C1orf87: variants seen among roughly 807,000 people sequenced by gnomAD.
C1orf87 encodes uncharacterized protein C1orf87.
In C1orf87, 58 loss-of-function variants were observed where a neutral mutation model predicts 60.5. The observed-to-expected ratio is 0.96, with a 90% CI of 0.78 to 1.19. C1orf87 has a LOEUF of 1.19. C1orf87 is among the 50% of genes most tolerant of loss of function. The probability of loss-of-function intolerance (pLI) is 0.00; values close to 1 mark genes in which losing one functional copy is unlikely to be tolerated. For synonymous variants in C1orf87, 236 were observed against 227.4 expected (o/e 1.04, Z -0.34); for missense variants, 673 against 638.6 (o/e 1.05, Z -0.58).
At chr1:60,004,425 T>C (rs940557236) in intron 9 of C1orf87, among the ~76,000 whole-genome samples, 4 of 152,038 alleles carry the variant, frequency 2.6e-5, no homozygotes, top group Admixed American at 2.0e-4. Context: ...TAACATTAAT[T>C]ATGATGTCCC....
intron 2 of C1orf87, among the ~76,000 whole-genome samples, chr1:60,059,399 A>G (rs1199551572): frequency 6.6e-6 from 1 of 152,230 alleles, no homozygotes; most frequent in Non-Finnish European, 1.5e-5. Context: ...AGTGTCATCC[A>G]GGAATGAGAG....
intron 3 of C1orf87, among the ~76,000 whole-genome samples, chr1:60,054,870 C>G (rs1645441505): frequency 6.6e-6 from 1 of 152,132 alleles, no homozygotes; most frequent in Non-Finnish European, 1.5e-5. Context: ...CAGACAGACT[C>G]TTACCCTCCA....
chr1:60,016,578 G>A (rs1170190841), intron 8 of C1orf87, among the ~76,000 whole-genome samples: 1 of 152,134 alleles, frequency 6.6e-6, no homozygotes, highest in Non-Finnish European at 1.5e-5. Context: ...TTGACAGATG[G>A]GAAAATTAAG....
intron 7 of C1orf87, 68 bp from the exon 8 acceptor site, chr1:60,025,566 C>A (rs1645193451): frequency 3.3e-6 from 4 of 1,202,968 alleles, no homozygotes; most frequent in Admixed American, 2.4e-5. Context: ...CAATAGAATA[C>A]AATTAATATT....
chr1:60,067,374 G>C (rs528335753), intron 2 of C1orf87, among the ~76,000 whole-genome samples: 120 of 151,960 alleles, frequency 7.9e-4, no homozygotes, highest in African/African-American at 2.8e-3. Context: ...GTGTGATATA[G>C]TATCTCATTC....
chr1:60,049,143 T>A (rs1645394587), intron 3 of C1orf87, among the ~76,000 whole-genome samples: 1 of 152,138 alleles, frequency 6.6e-6, no homozygotes, highest in Admixed American at 6.5e-5. Context: ...GATGTAGTTC[T>A]GCTAATTACT....
intron 5 of C1orf87, among the ~76,000 whole-genome samples, chr1:60,039,275 T>C (rs1044587065): frequency 6.6e-6 from 1 of 152,218 alleles, no homozygotes; most frequent in Non-Finnish European, 1.5e-5. Flanking sequence ...CTTATTGCTA[T>C]TATTTCTTCC....
chr1:60,022,351 C>T (rs542640562), intron 8 of C1orf87, among the ~76,000 whole-genome samples: 27 of 151,852 alleles, frequency 1.8e-4, no homozygotes, highest in Non-Finnish European at 3.7e-4. Flanking sequence ...TGACAGGGAA[C>T]CAGATTCTGG....
intron 2 of C1orf87, among the ~76,000 whole-genome samples, chr1:60,065,935 T>C (rs1236020101): frequency 6.6e-6 from 1 of 152,172 alleles, no homozygotes; most frequent in Non-Finnish European, 1.5e-5. Flanking sequence ...TCACATATTT[T>C]TTTTGGTTTC....
Position 60,055,387 on chromosome 1 carries a change from T to G in C1orf87, c.159A>C (p.Pro53=), listed in dbSNP as rs1320989711. ...TCATCTGCCTTGCATTATCAGTCAT[T>G]GGTTTCTGGTGCATTGTTTGGGTTT... ...KTETQTMHQK[P]MTDNARQMSR... Residue 53 remains proline, a synonymous_variant, in exon 3 of 12, where the codon CCA becomes CCC. Coordinates refer to ENST00000371201, the MANE Select transcript of C1orf87 (RefSeq NM_152377.3). 6.2e-7 allele frequency: 1 copy of G among 1,614,160 alleles called. No individual in the cohort carries two copies. Among genetic ancestry groups the G allele is most frequent in the South Asian group, 1.1e-5 (1 of 91,080 alleles).
chr1:60,012,038 T>C (rs1204378145), intron 8 of C1orf87, among the ~76,000 whole-genome samples: 1 of 152,058 alleles, frequency 6.6e-6, no homozygotes, highest in Non-Finnish European at 1.5e-5. Flanking sequence ...TTAATAATTA[T>C]ATAAAGATCT....
intron 9 of C1orf87, among the ~76,000 whole-genome samples, chr1:60,004,189 C>T (rs1273060139): frequency 6.6e-6 from 1 of 152,026 alleles, no homozygotes; most frequent in East Asian, 1.9e-4. Context: ...ACAGACCTAA[C>T]ATCTAACCCT....
intron 10 of C1orf87, among the ~76,000 whole-genome samples, chr1:60,000,309 C>A (rs941255689): frequency 6.6e-6 from 1 of 152,028 alleles, no homozygotes; most frequent in African/African-American, 2.4e-5. Flanking sequence ...AAACAAGAAG[C>A]AAAATAAAAG....
In C1orf87 at chr1:60,055,285, C is replaced by A; in HGVS notation, c.261G>T (p.Lys87Asn). 15 of 1,614,058 alleles carry A rather than the reference C, an allele frequency of 9.3e-6. No individual in the cohort carries two copies. The highest frequency in any genetic ancestry group is 1.2e-5 in the Non-Finnish European group (14 of 1,180,002). The change falls in exon 3 of 12, where the codon AAG (lysine) becomes AAT (asparagine). Residue 87 changes from lysine to asparagine, a missense_variant. Physicochemically the swap from Lys to Asn is moderately conservative, Grantham distance 94 (BLOSUM62 0). Coordinates refer to ENST00000371201, the MANE Select transcript of C1orf87 (RefSeq NM_152377.3). Reference sequence around the variant, plus strand: ...CTGATTTCTGGTTGTTCTCTGGGTGCTTTTTCTCTTTCACATCATCTGGAT... The same window carrying A: ...CTGATTTCTGGTTGTTCTCTGGGTGATTTTTCTCTTTCACATCATCTGGAT... ...TDNPDDVKEK[K>N]HPENNQKSEN... is the part of the protein sequence containing the mutation.
At chr1:60,048,098 A>C (rs965787954) in intron 3 of C1orf87, among the ~76,000 whole-genome samples, 16 of 152,166 alleles carry the variant, frequency 1.1e-4, no homozygotes, top group Admixed American at 9.8e-4. Flanking sequence ...CCAGTGGAAT[A>C]CTGTGGAAGT....
Position 60,033,695 on chromosome 1 carries a change from C to T in C1orf87, c.864-54G>A, listed in dbSNP as rs557694944. On this transcript the variant is annotated intron_variant, in intron 6 of 11. Coordinates refer to ENST00000371201, the MANE Select transcript of C1orf87 (RefSeq NM_152377.3). ...TGAAAAGGTTATCCACCCAAGGCAG[C>T]TGCATGCTTTCCTACTACATTTCTC... 3 of 1,556,654 alleles carry T rather than the reference C, an allele frequency of 1.9e-6. No homozygotes were observed. The East Asian group carries it at 6.8e-5, about 35-fold the overall frequency.
chr1:60,017,452 C>T (rs995276662), intron 8 of C1orf87, among the ~76,000 whole-genome samples: 5 of 152,146 alleles, frequency 3.3e-5, no homozygotes, highest in Non-Finnish European at 7.4e-5. Flanking sequence ...GTGGCTGTGT[C>T]AATTGCTCCC....
intron 6 of C1orf87, among the ~76,000 whole-genome samples, chr1:60,037,696 G>T (rs1645287632): frequency 6.6e-6 from 1 of 152,170 alleles, no homozygotes; most frequent in African/African-American, 2.4e-5. Context: ...CATGAACTTT[G>T]GGAAACACAT....
chr1:60,046,168 GCTTCTTTCCTTCCTTCCTTC>G (rs1263580171), intron 3 of C1orf87, among the ~76,000 whole-genome samples: 1 of 125,772 alleles, frequency 8.0e-6, no homozygotes, highest in Non-Finnish European at 1.6e-5. Context: ...TCCTCTCCTT[GCTTCTTTCCTTCCTTCCTTC>G]CTTCTTTCCT....
Sources: allele counts gnomAD v4.1 joint callset (sites outside exome capture counted in the v4.1 genomes callset), GRCh38; gene constraint gnomAD v4.1.1; transcripts MANE v1.5; gene names NCBI Gene and HGNC (gene_info 2026-07-23, HGNC 2026-07-21).